Variants in UVSSA observed in about 807,000 individuals in gnomAD.
UVSSA encodes the protein UV-stimulated scaffold protein A.
A neutral mutation model predicts 73.9 loss-of-function variants in UVSSA; 72 were observed. The observed-to-expected ratio is 0.97, with a 90% CI of 0.81 to 1.19. The LOEUF is 1.19. Ranked by LOEUF, UVSSA falls within the 50% of genes most tolerant of loss-of-function variation. UVSSA has a pLI of 0.00. For synonymous variants in UVSSA, 454 were observed against 391.3 expected (o/e 1.16, Z -1.89); for missense variants, 1,150 against 965.0 (o/e 1.19, Z -2.54).
chr4:1,394,806 C>T (rs770622879), exon 14 of UVSSA: 56 of 1,507,546 alleles, frequency 3.7e-5, no homozygotes, highest in Non-Finnish European at 3.0e-5. Flanking sequence ...CCTGCTCACA[C>T]ACGTGCCCAT....
intron 9 of UVSSA, among the ~76,000 whole-genome samples, chr4:1,375,763 G>T (rs376539908): frequency 6.6e-6 from 1 of 152,254 alleles, no homozygotes; most frequent in South Asian, 2.1e-4. Context: ...TCTGAGAGGA[G>T]CCCCCAGGGC....
chr4:1,390,368 A>T (rs1720376298), downstream of UVSSA: 1 of 152,156 alleles, frequency 6.6e-6, no homozygotes, highest in Non-Finnish European at 1.5e-5. Flanking sequence ...CAGTGATCGC[A>T]GCTCACTGCA....
chr4:1,349,741 G>A lies in UVSSA; in HGVS notation c.316G>A (p.Ala106Thr), dbSNP rs768806295. 34 of 1,612,842 alleles carry A rather than the reference G, an allele frequency of 2.1e-5. No individual in the cohort carries two copies. Among genetic ancestry groups the A allele is most frequent in the Admixed American group, 5.0e-5 (3 of 59,856 alleles). ...AQPLPPPREA[A>T]QRLRQATTRA... is the part of the protein sequence containing the mutation. Reference sequence around the variant, plus strand: ...GCCTCTGCCGCCCCCCAGGGAGGCGGCACAGAGGCTGAGGCAGGCGACCAC... The same window carrying A: ...GCCTCTGCCGCCCCCCAGGGAGGCGACACAGAGGCTGAGGCAGGCGACCAC... The change falls in exon 3 of 14, where the codon GCA becomes ACA. Residue 106 changes from alanine to threonine, a missense_variant. Transcript: ENST00000389851.
intron 2 of UVSSA, among the ~76,000 whole-genome samples, chr4:1,348,430 C>G (rs1444044622): frequency 6.6e-6 from 1 of 152,248 alleles, no homozygotes; most frequent in Non-Finnish European, 1.5e-5. Flanking sequence ...TTTGTGTGGT[C>G]TGGAGCACAT....
intron 7 of UVSSA, among the ~76,000 whole-genome samples, chr4:1,365,849 A>G (rs1717240727): frequency 6.6e-6 from 1 of 151,068 alleles, no homozygotes; most frequent in South Asian, 2.1e-4. Context: ...CCTGGTGGGA[A>G]GATAACTGCC....
At chr4:1,380,738 G>T (rs554379776) in intron 11 of UVSSA, 142 bp from the exon 12 acceptor site, 1 of 1,555,680 alleles carries the variant, frequency 6.4e-7, no homozygotes, top group Non-Finnish European at 8.7e-7. Flanking sequence ...TGAGGGGCGC[G>T]TGATTCCAGG....
chr4:1,354,966 G>A lies in UVSSA; in HGVS notation c.1047+119G>A, dbSNP rs1267833141. 6.5e-6 allele frequency: 10 copies of A among 1,531,024 alleles called. No homozygotes were observed. In the Admixed American group the frequency reaches 1.6e-4, roughly 24 times the overall value. 94.8% of individuals were successfully genotyped at this position (1,531,024 alleles called of 1,614,324 possible). Reference sequence around the variant, plus strand: ...GACTGAATGGCCCTTAACCCGCGAGGGCTCTGTCCCTCACCCGCAGCTTTG... The same window carrying A: ...GACTGAATGGCCCTTAACCCGCGAGAGCTCTGTCCCTCACCCGCAGCTTTG... On this transcript the variant is annotated intron_variant, in intron 6 of 13. Transcript: ENST00000389851.
chr4:1,362,782 G>A (rs559784991), intron 7 of UVSSA, among the ~76,000 whole-genome samples: 8 of 152,310 alleles, frequency 5.3e-5, no homozygotes, highest in Admixed American at 1.3e-4. Flanking sequence ...GGGGGGCTTC[G>A]TGCGGGGCCT....
intron 10 of UVSSA, among the ~76,000 whole-genome samples, 157 bp from the exon 11 acceptor site, chr4:1,379,890 C>T (rs1274626618): frequency 1.6e-5 from 1 of 63,806 alleles, no homozygotes; most frequent in Non-Finnish European, 2.8e-5. Flanking sequence ...GAATTCAGAC[C>T]CAGCCGGGAG....
intron 12 of UVSSA, among the ~76,000 whole-genome samples, chr4:1,382,733 T>C (rs1719650504): frequency 6.6e-6 from 1 of 152,210 alleles, no homozygotes; most frequent in South Asian, 2.1e-4. Flanking sequence ...ATTCCTTCAC[T>C]TCAAAGAATC....
downstream of UVSSA, chr4:1,388,471 G>C (rs1308222129): frequency 1.3e-5 from 2 of 152,172 alleles, no homozygotes; most frequent in Admixed American, 6.5e-5. Context: ...TTACCTAATT[G>C]CTCTGGCTAG....
upstream of UVSSA, among the ~76,000 whole-genome samples, chr4:1,345,730 T>G (rs1285819230): frequency 6.8e-6 from 1 of 147,388 alleles, no homozygotes; most frequent in Non-Finnish European, 1.5e-5. Flanking sequence ...TTGGCTGTGC[T>G]GTTGAGCCTG....
chr4:1,347,237 G>A lies in UVSSA; in HGVS notation c.-526G>A, dbSNP rs1159050109. On this transcript the variant is annotated 5_prime_UTR_variant, in exon 1 of 14. Transcript: ENST00000389851. The stretch of plus-strand genomic sequence containing the variant: ...CGAGCGGCCGCGTCAGCGGTAGGTG[G>A]GGCTGTGGTTACGCTGCCGGGCGGG... 1 of 152,334 alleles carries A rather than the reference G, an allele frequency of 6.6e-6. No homozygotes were observed. Among genetic ancestry groups the A allele is most frequent in the East Asian group, 1.9e-4 (1 of 5,188 alleles). The allele number at this position is 152,334 out of a possible 1,614,324, so 9.4% of individuals were successfully genotyped here. A position where few individuals can be genotyped will look rare whatever the true frequency, so the allele number is the denominator to read the frequency against.
intron 8 of UVSSA, among the ~76,000 whole-genome samples, chr4:1,372,124 C>T (rs1291285027): frequency 6.6e-6 from 1 of 152,204 alleles, no homozygotes; most frequent in Non-Finnish European, 1.5e-5. Flanking sequence ...CATAGGACCT[C>T]CTCTGTCTTT....
intron 4 of UVSSA, 25 bp from the exon 5 acceptor site, chr4:1,353,005 A>T: frequency 6.3e-7 from 1 of 1,591,922 alleles, no homozygotes; most frequent in African/African-American, 1.3e-5. Flanking sequence ...TAGCGCAGCA[A>T]ACAGGTGTCT....
At chr4:1,350,248 C>A (rs139748717) in intron 3 of UVSSA, among the ~76,000 whole-genome samples, 70 of 152,326 alleles carry the variant, frequency 4.6e-4, no homozygotes, top group African/African-American at 1.6e-3. Context: ...TCCACCCGCA[C>A]CCTACTATGG....
At chr4:1,384,105 C>T (rs1719829076) in intron 13 of UVSSA, 165 bp downstream of exon 13, 1 of 835,194 alleles carries the variant, frequency 1.2e-6, no homozygotes, top group East Asian at 2.7e-5. Flanking sequence ...CGGGGAGGGG[C>T]AGTGCCAGCC....
intron 11 of UVSSA, 117 bp from the exon 12 acceptor site, chr4:1,380,763 G>T: frequency 1.3e-6 from 2 of 1,573,924 alleles, no homozygotes; most frequent in Non-Finnish European, 1.7e-6. Flanking sequence ...GTACACTTTG[G>T]CTCTGTGATA....
intron 8 of UVSSA, among the ~76,000 whole-genome samples, chr4:1,371,178 T>C (rs1223299512): frequency 6.6e-6 from 1 of 152,086 alleles, no homozygotes. Context: ...GTGTATGTAC[T>C]CAGTAAGCCT....
Sources: gnomAD v4.1 joint callset for allele counts (sites outside exome capture counted in the v4.1 genomes callset) on GRCh38, gnomAD v4.1.1 for gene constraint, MANE v1.5 for transcripts, NCBI Gene and HGNC (gene_info 2026-07-23, HGNC 2026-07-21) for gene names.